NCAM2: variants seen among roughly 807,000 people sequenced by gnomAD.
NCAM2 encodes the protein neural cell adhesion molecule 2.
NCAM2 carries 30 observed loss-of-function variants against 98.1 expected under a neutral mutation model. The observed-to-expected ratio is 0.31, with a 90% CI of 0.23 to 0.41. The LOEUF is 0.41. Among genes scored for constraint, NCAM2 ranks in the 10% least tolerant of loss-of-function variants. The pLI is 1.00. For missense variants in NCAM2, 867 were observed against 1,005.8 expected (o/e 0.86, Z 1.87); for synonymous variants, 368 against 342.4 (o/e 1.07, Z -0.83).
At chr21:21,511,227 A>C (rs1053047860) in intron 16 of NCAM2, among the ~76,000 whole-genome samples, 3 of 151,868 alleles carry the variant, frequency 2.0e-5, no homozygotes, top group Non-Finnish European at 4.4e-5. Flanking sequence ...CATTCTGTCT[A>C]ACTGTATTTT....
At chr21:21,070,195 C>T (rs1280778505) in intron 1 of NCAM2, among the ~76,000 whole-genome samples, 1 of 150,362 alleles carries the variant, frequency 6.7e-6, no homozygotes, top group African/African-American at 2.4e-5. Flanking sequence ...AAATATCAAA[C>T]AATAAAACAA....
At chr21:21,037,770 G>A (rs549196350) in intron 1 of NCAM2, among the ~76,000 whole-genome samples, 1 of 152,190 alleles carries the variant, frequency 6.6e-6, no homozygotes, top group African/African-American at 2.4e-5. Flanking sequence ...TAGTTTGAGT[G>A]GACTGATTCA....
intron 6 of NCAM2, among the ~76,000 whole-genome samples, chr21:21,331,578 T>TATATATAGAGAGAG (rs1444969281): frequency 4.7e-4 from 1 of 2,150 alleles, no homozygotes; most frequent in Non-Finnish European, 4.5e-3. Context: ...CATATATATA[T>TATATATAGAGAGAG]AGAGAGAGAG....
chr21:21,156,576 GATT>G (rs2067618145), intron 1 of NCAM2, among the ~76,000 whole-genome samples: 1 of 119,656 alleles, frequency 8.4e-6, no homozygotes, highest in Non-Finnish European at 1.8e-5. Context: ...TAAATAGATA[GATT>G]ATAGATAGAT....
In NCAM2 at chr21:21,267,085, G is replaced by C. The variant is rs1267403805; in HGVS notation, c.56-13493G>C. The stretch of plus-strand genomic sequence containing the variant: ...CTGATGTGTAAATAACAACTCACCA[G>C]GGGAAGCAGTTGGGAAAAGAGTCAT... On this transcript the variant is annotated intron_variant, in intron 1 of 17. Transcript: ENST00000400546. Among the ~76,000 whole-genome samples, 4 of 152,088 alleles carry C rather than the reference G, an allele frequency of 2.6e-5. 1 individual carries two copies. The highest frequency in any genetic ancestry group is 2.6e-4 in the Admixed American group (4 of 15,270).
chr21:21,394,308 A>G (rs1275354059), intron 9 of NCAM2, among the ~76,000 whole-genome samples: 2 of 152,008 alleles, frequency 1.3e-5, no homozygotes, highest in African/African-American at 2.4e-5. Context: ...TAATTGAATT[A>G]CCCTTTAAAT....
chr21:21,073,194 A>G (rs1380917277), intron 1 of NCAM2, among the ~76,000 whole-genome samples: 3 of 152,220 alleles, frequency 2.0e-5, no homozygotes, highest in Non-Finnish European at 2.9e-5. Context: ...GTATGCATAT[A>G]TCACATTTTA....
At chr21:21,053,913 C>G (rs956814533) in intron 1 of NCAM2, among the ~76,000 whole-genome samples, 2 of 145,696 alleles carry the variant, frequency 1.4e-5, no homozygotes, top group Non-Finnish European at 3.0e-5. Flanking sequence ...TGAGTACATA[C>G]CTGTTCCTAT....
intron 10 of NCAM2, among the ~76,000 whole-genome samples, chr21:21,416,451 G>T (rs916400065): frequency 9.3e-5 from 14 of 151,128 alleles, no homozygotes; most frequent in African/African-American, 3.4e-4. Flanking sequence ...AAATGGTGCT[G>T]TTAGATTGCT....
At chr21:21,287,411 A>G (rs1486493387) in intron 4 of NCAM2, among the ~76,000 whole-genome samples, 1 of 152,030 alleles carries the variant, frequency 6.6e-6, no homozygotes, top group Non-Finnish European at 1.5e-5. Context: ...AGTTTCCATT[A>G]TAATACATTA....
Position 21,216,337 on chromosome 21 carries a change from G to A in NCAM2, c.56-64241G>A, listed in dbSNP as rs1289601965. 2.0e-5 allele frequency among the ~76,000 whole-genome samples: 3 copies of A among 152,186 alleles called. No individual in the cohort carries two copies. In the East Asian group the frequency reaches 5.8e-4, roughly 29 times the overall value. On this transcript the variant is annotated intron_variant, in intron 1 of 17. Coordinates refer to ENST00000400546, the MANE Select transcript of NCAM2 (RefSeq NM_004540.5). ...GGGTGGATTAAAAACTAGAGCAGAT[G>A]TAGGGTACTGCTGTGTTTTCAGGGA...
At chr21:21,446,454 C>A (rs1009547212) in intron 12 of NCAM2, among the ~76,000 whole-genome samples, 1 of 151,966 alleles carries the variant, frequency 6.6e-6, no homozygotes, top group Non-Finnish European at 1.5e-5. Context: ...TCCCTATCTT[C>A]TTCAGGTACT....
intron 1 of NCAM2, among the ~76,000 whole-genome samples, chr21:21,235,661 G>C (rs1660078401): frequency 6.6e-6 from 1 of 151,974 alleles, no homozygotes; most frequent in Non-Finnish European, 1.5e-5. Flanking sequence ...AGAATTACTT[G>C]ACTCATCTAA....
At chr21:21,114,302 C>A (rs1480889244) in intron 1 of NCAM2, among the ~76,000 whole-genome samples, 1 of 151,906 alleles carries the variant, frequency 6.6e-6, no homozygotes, top group Non-Finnish European at 1.5e-5. Context: ...TTTTTAAAGC[C>A]CTTTGCTCTC....
intron 8 of NCAM2, among the ~76,000 whole-genome samples, chr21:21,370,731 G>T (rs1291800446): frequency 6.6e-6 from 1 of 151,740 alleles, no homozygotes; most frequent in Non-Finnish European, 1.5e-5. Context: ...TAAGCTGTGG[G>T]ATGTGGGCTA....
At chr21:21,307,532 T>C (rs1018451411) in intron 5 of NCAM2, among the ~76,000 whole-genome samples, 3 of 152,152 alleles carry the variant, frequency 2.0e-5, no homozygotes, top group African/African-American at 7.2e-5. Context: ...TATTATAAGA[T>C]CACGATCCAG....
intron 16 of NCAM2, among the ~76,000 whole-genome samples, chr21:21,525,670 G>A (rs546712020): frequency 6.6e-6 from 1 of 152,166 alleles, no homozygotes; most frequent in Admixed American, 6.5e-5. Flanking sequence ...TATGAAGCCA[G>A]CATTACTGAA....
At chr21:21,409,054 G>A (rs1281692211) in intron 9 of NCAM2, among the ~76,000 whole-genome samples, 2 of 151,510 alleles carry the variant, frequency 1.3e-5, no homozygotes, top group Non-Finnish European at 3.0e-5. Context: ...TAAGTTCTAA[G>A]TAGTTAATAT....
At chr21:21,530,320 A>AATTTAATTATATAT (rs1989612504) in intron 16 of NCAM2, among the ~76,000 whole-genome samples, 4 of 22,404 alleles carry the variant, frequency 1.8e-4, no homozygotes, top group African/African-American at 6.8e-4. Context: ...ATATATAATT[A>AATTTAATTATATAT]AATTAAATTA....
Sources: allele counts gnomAD v4.1 joint callset (sites outside exome capture counted in the v4.1 genomes callset), GRCh38; gene constraint gnomAD v4.1.1; transcripts MANE v1.5; gene names NCBI Gene and HGNC (gene_info 2026-07-23, HGNC 2026-07-21).